Variants in TSPAN5 observed in about 807,000 individuals in gnomAD.
The protein encoded by TSPAN5 is tetraspanin-5.
Under a neutral mutation model 37.1 loss-of-function variants are expected in TSPAN5, and 10 were observed. The observed-to-expected ratio is 0.27, with a 90% CI of 0.17 to 0.46. The LOEUF (loss-of-function observed/expected upper bound fraction) is 0.46, where lower values mean the gene tolerates loss of function less well. Ranked by LOEUF, TSPAN5 falls within the 20% of genes least tolerant of loss-of-function variation. The pLI is 1.00. For missense variants in TSPAN5, 195 were observed against 326.6 expected (o/e 0.60, Z 3.11); for synonymous variants, 110 against 118.9 (o/e 0.93, Z 0.48).
At chr4:98,645,017 C>T (rs925084367) in intron 1 of TSPAN5, among the ~76,000 whole-genome samples, 1 of 152,204 alleles carries the variant, frequency 6.6e-6, no homozygotes, top group Non-Finnish European at 1.5e-5. Context: ...ATTACTTAAG[C>T]ACAAGTGTTC....
chr4:98,656,403 A>T (rs928647145), intron 1 of TSPAN5, among the ~76,000 whole-genome samples: 5 of 152,138 alleles, frequency 3.3e-5, no homozygotes, highest in African/African-American at 1.2e-4. Flanking sequence ...TGAACTCACT[A>T]CCCCAAAAAG....
chr4:98,547,968 T>C (rs1219917701), intron 1 of TSPAN5, among the ~76,000 whole-genome samples: 1 of 141,844 alleles, frequency 7.1e-6, no homozygotes, highest in Non-Finnish European at 1.5e-5. Context: ...GCCGAGATCA[T>C]GCCACTACAC....
chr4:98,627,729 A>G (rs1417530347), intron 1 of TSPAN5, among the ~76,000 whole-genome samples: 1 of 152,214 alleles, frequency 6.6e-6, no homozygotes, highest in Admixed American at 6.5e-5. Context: ...TCTTCTCCCT[A>G]CAGAGTAGAA....
chr4:98,472,932 C>G (rs1042229193), intron 7 of TSPAN5, among the ~76,000 whole-genome samples: 1 of 152,206 alleles, frequency 6.6e-6, no homozygotes, highest in Non-Finnish European at 1.5e-5. Context: ...TCAAGGGAAT[C>G]ATATAATATG....
intron 2 of TSPAN5, among the ~76,000 whole-genome samples, chr4:98,488,442 A>G (rs1753020273): frequency 6.6e-6 from 1 of 152,250 alleles, no homozygotes; most frequent in Non-Finnish European, 1.5e-5. Flanking sequence ...AAGAACTCTT[A>G]TAATGTAAAA....
chr4:98,628,412 T>C (rs1399152225), intron 1 of TSPAN5, among the ~76,000 whole-genome samples: 1 of 152,214 alleles, frequency 6.6e-6, no homozygotes, highest in Non-Finnish European at 1.5e-5. Flanking sequence ...CTCATGTACC[T>C]CCCAAGTCCC....
intron 1 of TSPAN5, chr4:98,574,662 C>T (rs182814875): frequency 6.6e-6 from 1 of 152,258 alleles, no homozygotes; most frequent in Non-Finnish European, 1.5e-5. Context: ...CCGGCTCATA[C>T]ACTTCTTGCA....
chr4:98,513,671 C>G (rs962471823), intron 1 of TSPAN5, among the ~76,000 whole-genome samples: 1 of 152,044 alleles, frequency 6.6e-6, no homozygotes, highest in South Asian at 2.1e-4. Context: ...AGAAGTTATT[C>G]TCAGGTGCCA....
At chr4:98,563,831 G>T (rs1218244815) in intron 1 of TSPAN5, among the ~76,000 whole-genome samples, 1 of 152,176 alleles carries the variant, frequency 6.6e-6, no homozygotes, top group Non-Finnish European at 1.5e-5. Context: ...AGACATCTTG[G>T]TTGTCACCCT....
intron 3 of TSPAN5, 30 bp from the exon 4 acceptor site, chr4:98,482,205 A>G (rs748741022): frequency 6.2e-7 from 1 of 1,604,444 alleles, no homozygotes; most frequent in South Asian, 1.1e-5. Context: ...CACAGAGAAC[A>G]GTTATAAGGG....
At chr4:98,526,436 C>T (rs1443582087) in intron 1 of TSPAN5, among the ~76,000 whole-genome samples, 4 of 152,146 alleles carry the variant, frequency 2.6e-5, no homozygotes, top group African/African-American at 4.8e-5. Flanking sequence ...AGGAAGCATC[C>T]AAGACACCAG....
chr4:98,588,095 T>C (rs1314540477), intron 1 of TSPAN5, among the ~76,000 whole-genome samples: 1 of 152,180 alleles, frequency 6.6e-6, no homozygotes. Flanking sequence ...TTCTGCAAAC[T>C]AGATATTCTG....
intron 1 of TSPAN5, among the ~76,000 whole-genome samples, chr4:98,571,584 G>A (rs1455519328): frequency 6.6e-6 from 1 of 151,574 alleles, no homozygotes; most frequent in Non-Finnish European, 1.5e-5. Context: ...ACCACATACT[G>A]TGCAAGGTTA....
intron 1 of TSPAN5, among the ~76,000 whole-genome samples, chr4:98,513,809 A>T (rs1043239665): frequency 2.6e-5 from 4 of 152,156 alleles, no homozygotes; most frequent in African/African-American, 9.7e-5. Context: ...TAAATTATTT[A>T]AAAATATACA....
chr4:98,512,561 C>G (rs1448936384), intron 1 of TSPAN5, among the ~76,000 whole-genome samples: 1 of 152,192 alleles, frequency 6.6e-6, no homozygotes, highest in Non-Finnish European at 1.5e-5. Flanking sequence ...AAAATGGCCC[C>G]AGCATGTGAT....
At chr4:98,655,867 A>T (rs1263378655) in intron 1 of TSPAN5, among the ~76,000 whole-genome samples, 2 of 152,186 alleles carry the variant, frequency 1.3e-5, no homozygotes, top group Non-Finnish European at 2.9e-5. Flanking sequence ...AAATTTAAAT[A>T]TGGGGTAATT....
At chr4:98,626,886 G>GTTTTTTTTTTTTTTTTTTTTTTTTTT (rs34770397) in intron 1 of TSPAN5, among the ~76,000 whole-genome samples, 1 of 83,484 alleles carries the variant, frequency 1.2e-5, no homozygotes. Flanking sequence ...ATGAGAGCAG[G>GTTTTTTTTTTTTTTTTTTTTTTTTTT]TTTTTTTTTT....
chr4:98,602,070 A>T (rs998518825), intron 1 of TSPAN5, among the ~76,000 whole-genome samples: 2 of 152,214 alleles, frequency 1.3e-5, no homozygotes, highest in Non-Finnish European at 2.9e-5. Context: ...GTAACATCAA[A>T]GATCACTGAT....
chr4:98,530,155 C>T (rs981859645), intron 1 of TSPAN5, among the ~76,000 whole-genome samples: 2 of 152,152 alleles, frequency 1.3e-5, no homozygotes, highest in African/African-American at 4.8e-5. Context: ...ACTGGGTAGG[C>T]AGAAGGGCCT....
Sources: gnomAD v4.1 joint callset for allele counts (sites outside exome capture counted in the v4.1 genomes callset) on GRCh38, gnomAD v4.1.1 for gene constraint, MANE v1.5 for transcripts, NCBI Gene and HGNC (gene_info 2026-07-23, HGNC 2026-07-21) for gene names.